LRP1B: variants seen among roughly 807,000 people sequenced by gnomAD.
LRP1B encodes the protein low-density lipoprotein receptor-related protein 1B.
A neutral mutation model predicts 556.6 loss-of-function variants in LRP1B; 217 were observed. That is an observed-to-expected ratio of 0.39 (90% CI 0.35 to 0.44). The LOEUF (loss-of-function observed/expected upper bound fraction) is 0.44. LRP1B is among the 20% of genes least tolerant of loss of function. The pLI is 1.00. For missense variants in LRP1B, 5,053 were observed against 5,620.8 expected (o/e 0.90, Z 3.23); for synonymous variants, 2,047 against 1,865.8 (o/e 1.10, Z -2.50).
chr2:141,450,322 C>G (rs1681369794), intron 3 of LRP1B, among the ~76,000 whole-genome samples: 1 of 152,120 alleles, frequency 6.6e-6, no homozygotes, highest in African/African-American at 2.4e-5. Flanking sequence ...CCAGTTCCAG[C>G]ATATGCCAGC....
intron 87 of LRP1B, among the ~76,000 whole-genome samples, chr2:140,244,772 G>A (rs909122910): frequency 7.1e-6 from 1 of 140,566 alleles, no homozygotes; most frequent in South Asian, 2.1e-4. Context: ...GCAGACAGAG[G>A]CAGTGTATTC....
At chr2:140,532,383 G>C (rs1437536359) in intron 47 of LRP1B, among the ~76,000 whole-genome samples, 2 of 150,982 alleles carry the variant, frequency 1.3e-5, no homozygotes, top group African/African-American at 4.9e-5. Context: ...TTTTTTGTTT[G>C]TTTGTTTGTT....
chr2:141,913,136 G>A (rs1332112094), intron 1 of LRP1B, among the ~76,000 whole-genome samples: 3 of 152,124 alleles, frequency 2.0e-5, no homozygotes, highest in Non-Finnish European at 1.5e-5. Context: ...TGAAGATGGT[G>A]GTGATGGTTG....
intron 7 of LRP1B, among the ~76,000 whole-genome samples, chr2:141,177,097 C>G (rs1680769977): frequency 6.6e-6 from 1 of 152,038 alleles, no homozygotes; most frequent in African/African-American, 2.4e-5. Flanking sequence ...TATGGCACCA[C>G]TGAGCTGAAT....
intron 2 of LRP1B, among the ~76,000 whole-genome samples, chr2:141,543,388 A>G (rs1233653857): frequency 2.0e-5 from 3 of 151,520 alleles, no homozygotes; most frequent in Admixed American, 2.0e-4. Flanking sequence ...GACAGTATGC[A>G]CCTGTAGTCC....
chr2:140,676,757 A>T (rs2105369573), intron 41 of LRP1B, among the ~76,000 whole-genome samples: 1 of 152,220 alleles, frequency 6.6e-6, no homozygotes, highest in East Asian at 1.9e-4. Context: ...TAAATGACTT[A>T]CTCCCTTGTA....
At chr2:142,112,283 A>G (rs1707023789) in intron 1 of LRP1B, among the ~76,000 whole-genome samples, 1 of 152,102 alleles carries the variant, frequency 6.6e-6, no homozygotes, top group Non-Finnish European at 1.5e-5. Flanking sequence ...AGAACATTGA[A>G]TATTCTATAA....
At chr2:140,664,134 C>A (rs1396093449) in intron 41 of LRP1B, among the ~76,000 whole-genome samples, 1 of 151,934 alleles carries the variant, frequency 6.6e-6, no homozygotes, top group African/African-American at 2.4e-5. Context: ...ATAGTAAGAT[C>A]AAAAATCACT....
intron 18 of LRP1B, among the ~76,000 whole-genome samples, chr2:140,979,764 A>G (rs1696713450): frequency 6.6e-6 from 1 of 152,172 alleles, no homozygotes; most frequent in South Asian, 2.1e-4. Flanking sequence ...AAGTCAGCCT[A>G]AAATGGTTGG....
rs779983858 is a variant in LRP1B at position 140,325,883 on chromosome 2, A to G, written c.12224-5T>C. The stretch of plus-strand genomic sequence containing the variant: ...TAAAATAATCCACAGCCAAACCTGC[A>G]AAATCAACACACACAAGACAAATAG... On this transcript the variant is annotated splice_polypyrimidine_tract_variant and splice_region_variant and intron_variant, in intron 79 of 90. Transcript: ENST00000389484. 9 of 1,556,768 alleles carry G rather than the reference A, an allele frequency of 5.8e-6. No individual in the cohort carries two copies. In the East Asian group the frequency reaches 2.0e-4, roughly 35 times the overall value.
intron 7 of LRP1B, among the ~76,000 whole-genome samples, chr2:141,107,207 T>C (rs1700627086): frequency 6.6e-6 from 1 of 152,150 alleles, no homozygotes; most frequent in Non-Finnish European, 1.5e-5. Context: ...TAATAGCATA[T>C]CATTAAATTT....
At chr2:142,017,606 T>C (rs1222297395) in intron 1 of LRP1B, among the ~76,000 whole-genome samples, 1 of 152,048 alleles carries the variant, frequency 6.6e-6, no homozygotes, top group African/African-American at 2.4e-5. Context: ...GTCACGGAGA[T>C]TCACACTGGT....
intron 2 of LRP1B, among the ~76,000 whole-genome samples, chr2:141,661,108 A>G (rs979966075): frequency 6.6e-6 from 1 of 152,210 alleles, no homozygotes; most frequent in African/African-American, 2.4e-5. Flanking sequence ...GTTAAAAGAA[A>G]CAAACAAACA....
At chr2:140,720,162 G>A (rs1183171616) in intron 35 of LRP1B, among the ~76,000 whole-genome samples, 1 of 151,858 alleles carries the variant, frequency 6.6e-6, no homozygotes, top group East Asian at 1.9e-4. Context: ...AGATACTTAT[G>A]GAATTCTTAG....
chr2:141,339,145 C>A (rs1317985599), intron 3 of LRP1B, among the ~76,000 whole-genome samples: 3 of 151,838 alleles, frequency 2.0e-5, no homozygotes, highest in African/African-American at 7.3e-5. Context: ...AACATGCTTC[C>A]TCTGGTGTTT....
chr2:141,122,929 A>G (rs1181519842), intron 7 of LRP1B, among the ~76,000 whole-genome samples: 2 of 152,212 alleles, frequency 1.3e-5, no homozygotes, highest in East Asian at 1.9e-4. Context: ...CATAAAAAGG[A>G]TAAGTTCATG....
chr2:140,452,960 T>TG (rs1480168610), intron 62 of LRP1B, among the ~76,000 whole-genome samples: 1 of 34,496 alleles, frequency 2.9e-5, no homozygotes, highest in Non-Finnish European at 7.2e-5. Flanking sequence ...TGTGTGTGTG[T>TG]GTTTTTTTTT....
rs565252280 is a variant in LRP1B, at chr2:141,511,105, T to C, written c.206-30572A>G. On this transcript the variant is annotated intron_variant, in intron 2 of 90. Transcript: ENST00000389484. The stretch of plus-strand genomic sequence containing the variant: ...CCCCAAGGTTCAAGGTTTCCTCTAC[T>C]ACACAGCATAGAGCTGTCGTGCCCT... Among the ~76,000 whole-genome samples, 48 of 152,262 alleles carry C rather than the reference T, an allele frequency of 3.2e-4. 1 individual carries two copies. The highest frequency in any genetic ancestry group is 5.9e-4 in the Non-Finnish European group (40 of 68,014).
rs562766252 is a variant in LRP1B at position 141,880,643 on chromosome 2, A to G, written c.83-70242T>C. Among the ~76,000 whole-genome samples, 495 of 152,124 alleles carry G rather than the reference A, an allele frequency of 3.3e-3. 3 individuals are homozygous for G. The highest frequency in any genetic ancestry group is 0.011 in the African/African-American group (454 of 41,554). On this transcript the variant is annotated intron_variant, in intron 1 of 90. Transcript: ENST00000389484. ...TGTCAATATTGGTGCTTTTAAATAAATAGCTACTCTCATGCACTGCTTATT... is the reference window on the plus strand; with the variant it reads ...TGTCAATATTGGTGCTTTTAAATAAGTAGCTACTCTCATGCACTGCTTATT...
Sources: gnomAD v4.1 joint callset for allele counts (sites outside exome capture counted in the v4.1 genomes callset) on GRCh38, gnomAD v4.1.1 for gene constraint, MANE v1.5 for transcripts, NCBI Gene and HGNC (gene_info 2026-07-23, HGNC 2026-07-21) for gene names.